The following CLMN variants were observed in gnomAD, a reference collection of about 807,000 sequenced individuals.
CLMN encodes calmin, also known as calmin (calponin-like, transmembrane).
Under a neutral mutation model 92.7 loss-of-function variants are expected in CLMN, and 57 were observed. The observed-to-expected ratio is 0.61, with a 90% CI of 0.50 to 0.77. The LOEUF (loss-of-function observed/expected upper bound fraction) is 0.77, where lower values mean the gene tolerates loss of function less well. Ranked by LOEUF, CLMN falls within the 30% of genes least tolerant of loss-of-function variation. The pLI is 0.00. For synonymous variants in CLMN, 466 were observed against 470.6 expected, an observed-to-expected ratio of 0.99 and a Z score of 0.13; for missense variants, 1,158 against 1,237.5, an observed-to-expected ratio of 0.94 and a Z score of 0.96.
chr14:95,231,173 A>G lies in CLMN; in HGVS notation c.83-1040T>C, dbSNP rs550804298. ...GAGCTCCGCCTCCTGTCAGATCAAC[A>G]GAGGCATTAAATCCTCTAACTTTTT... On this transcript the variant is annotated intron_variant, in intron 1 of 12. Transcript: ENST00000298912. Among the ~76,000 whole-genome samples, 14 of 150,674 alleles carry G rather than the reference A, an allele frequency of 9.3e-5. 1 individual carries two copies. The South Asian group carries it at 2.5e-3, about 27-fold the overall frequency.
chr14:95,211,597 G>T (rs1016624240), intron 6 of CLMN, among the ~76,000 whole-genome samples: 1 of 147,100 alleles, frequency 6.8e-6, no homozygotes, highest in African/African-American at 2.5e-5. Flanking sequence ...ATTTCCTGTA[G>T]AATCTATCCT....
At chr14:95,278,111 T>A (rs1900002819) in intron 1 of CLMN, among the ~76,000 whole-genome samples, 1 of 152,102 alleles carries the variant, frequency 6.6e-6, no homozygotes, top group African/African-American at 2.4e-5. Context: ...AATCTCATTT[T>A]AAAAAAAAGT....
At position 95,287,041 on chromosome 14, in the gene CLMN, C is replaced by A. The variant is rs1900371595; in HGVS notation, c.82+32670G>T. On this transcript the variant is annotated intron_variant, in intron 1 of 12. Coordinates refer to ENST00000298912, the MANE Select transcript of CLMN (RefSeq NM_024734.4). Reference sequence around the variant, plus strand: ...TCTTGTCATCCCCGCAAGGCTACCACATTTTGCTTCTGTCACCTTCACTAG... The same window carrying A: ...TCTTGTCATCCCCGCAAGGCTACCAAATTTTGCTTCTGTCACCTTCACTAG... Among the ~76,000 whole-genome samples the A allele has an allele frequency of 2.0e-5, 3 of 152,236 alleles. No individual in the cohort carries two copies. In the South Asian group the frequency reaches 6.2e-4, roughly 31 times the overall value.
intron 1 of CLMN, among the ~76,000 whole-genome samples, chr14:95,244,750 G>A (rs1430582998): frequency 1.3e-5 from 2 of 152,048 alleles, no homozygotes; most frequent in African/African-American, 2.4e-5. Context: ...ATCTATGCAG[G>A]AGATGAGAAC....
chr14:95,280,642 TTTAGATA>T (rs1254896093), intron 1 of CLMN, among the ~76,000 whole-genome samples: 2 of 152,220 alleles, frequency 1.3e-5, no homozygotes, highest in African/African-American at 4.8e-5. Flanking sequence ...GATTAATCCT[TTTAGATA>T]TTAGATTCCC....
At chr14:95,311,604 A>C (rs1237024762) in intron 1 of CLMN, among the ~76,000 whole-genome samples, 1 of 152,166 alleles carries the variant, frequency 6.6e-6, no homozygotes, top group African/African-American at 2.4e-5. Context: ...ACTAGAACAC[A>C]AGGGAACCAA....
chr14:95,253,180 G>C (rs1262913033), intron 1 of CLMN, among the ~76,000 whole-genome samples: 1 of 152,180 alleles, frequency 6.6e-6, no homozygotes, highest in African/African-American at 2.4e-5. Flanking sequence ...ACCCACATTG[G>C]AAAGGACAAA....
At chr14:95,260,084 GC>G in intron 1 of CLMN, among the ~76,000 whole-genome samples, 1 of 152,310 alleles carries the variant, frequency 6.6e-6, no homozygotes. Context: ...CTGGCACATG[GC>G]AGGTGTTCAG....
At chr14:95,215,054 T>C (rs1193602404) in intron 5 of CLMN, among the ~76,000 whole-genome samples, 15 of 152,174 alleles carry the variant, frequency 9.9e-5, no homozygotes, top group Admixed American at 9.8e-4. Flanking sequence ...TGTATACCTA[T>C]GTAACAAACC....
chr14:95,184,112 A>G lies in CLMN; in HGVS notation c.*7452T>C, dbSNP rs1896387112. On this transcript the variant is annotated 3_prime_UTR_variant, in exon 13 of 13. Coordinates refer to ENST00000298912, the MANE Select transcript of CLMN (RefSeq NM_024734.4). ...AGAAAAGGGGGCTGCTGGGCATCCT[A>G]CAACTTCATAAACTTTCAAGAAAAG... is the stretch of plus-strand genomic sequence containing the variant. 6.6e-6 allele frequency: 1 copy of G among 152,246 alleles called. No homozygotes were observed. The highest frequency in any genetic ancestry group is 2.4e-5 in the African/African-American group (1 of 41,472). The allele number at this position is 152,246 out of a possible 1,614,324, so 9.4% of individuals were successfully genotyped here. A position where few individuals can be genotyped will look rare whatever the true frequency, so the allele number is the denominator to read the frequency against.
At chr14:95,260,814 G>T (rs1899221425) in intron 1 of CLMN, among the ~76,000 whole-genome samples, 1 of 152,160 alleles carries the variant, frequency 6.6e-6, no homozygotes, top group East Asian at 1.9e-4. Flanking sequence ...ATGAAATACA[G>T]TTGATTCTCA....
chr14:95,227,991 AT>A (rs1397857150), intron 2 of CLMN, among the ~76,000 whole-genome samples: 1 of 152,038 alleles, frequency 6.6e-6, no homozygotes, highest in Non-Finnish European at 1.5e-5. Context: ...GTGCTATCTG[AT>A]TTATTTTCAG....
chr14:95,208,205 G>C (rs192804741), intron 8 of CLMN, among the ~76,000 whole-genome samples: 1 of 151,990 alleles, frequency 6.6e-6, no homozygotes, highest in African/African-American at 2.4e-5. Context: ...AACTGTTTCC[G>C]TTACTAGAAC....
chr14:95,193,726 T>C, intron 12 of CLMN, 123 bp downstream of exon 12: 1 of 1,198,166 alleles, frequency 8.3e-7, no homozygotes, highest in Non-Finnish European at 1.2e-6. Flanking sequence ...TCTTGCATTA[T>C]CCCAAATTAT....
intron 1 of CLMN, among the ~76,000 whole-genome samples, chr14:95,244,988 TACACACAC>T (rs140106985): frequency 2.9e-5 from 4 of 135,928 alleles, no homozygotes; most frequent in Admixed American, 2.3e-4. Flanking sequence ...TATATGTGTA[TACACACAC>T]ACACACACAC....
In CLMN at chr14:95,191,676, T is replaced by A. The variant is rs1158139303; in HGVS notation, c.2897A>T (p.Asp966Val). Reference protein sequence around the residue: ...MSLGSHSPQSDSLTQLVQQPD... With the variant: ...MSLGSHSPQSVSLTQLVQQPD... ...CTGCTGGACAAGCTGTGTCAGGGAG[T>A]CACTCTGCGGGCTGTGGCTCCCCAG... Residue 966 changes from aspartate to valine, a missense_variant, in exon 13 of 13, where the codon GAC becomes GTC. Physicochemically the swap from Asp to Val is radical, Grantham distance 152. Coordinates refer to ENST00000298912, the MANE Select transcript of CLMN (RefSeq NM_024734.4). This position sits in a 1 kb window ranked among gnomAD's most constrained non-coding sequence, Gnocchi z 5.3. The A allele has an allele frequency of 1.2e-6, 2 of 1,612,524 alleles. No individual in the cohort carries two copies. The highest frequency in any genetic ancestry group is 8.5e-7 in the Non-Finnish European group (1 of 1,179,634).
At chr14:95,205,241 G>A (rs1179621521) in intron 8 of CLMN, among the ~76,000 whole-genome samples, 1 of 152,158 alleles carries the variant, frequency 6.6e-6, no homozygotes, top group Non-Finnish European at 1.5e-5. Flanking sequence ...GGAAAAAAAT[G>A]ACATCTGCTT....
chr14:95,242,136 G>C lies in CLMN; in HGVS notation c.83-12003C>G, dbSNP rs532839138. Among the ~76,000 whole-genome samples, 65 of 147,958 alleles carry C rather than the reference G, an allele frequency of 4.4e-4. 1 individual carries two copies. Among genetic ancestry groups the C allele is most frequent in the African/African-American group, 1.7e-3 (65 of 38,440 alleles). ...TTCTCAGTCCTGGGTGCACATGATG[G>C]TCATCTGGGGAAATTTGAAAAAAAA... On this transcript the variant is annotated intron_variant, in intron 1 of 12. Transcript: ENST00000298912.
chr14:95,268,192 A>C (rs1279448520), intron 1 of CLMN, among the ~76,000 whole-genome samples: 1 of 152,172 alleles, frequency 6.6e-6, no homozygotes, highest in Non-Finnish European at 1.5e-5. Context: ...GAGAAGATAA[A>C]TGTTTGAGGT....
Sources: allele counts gnomAD v4.1 joint callset (sites outside exome capture counted in the v4.1 genomes callset), GRCh38; gene constraint gnomAD v4.1.1; non-coding constraint Gnocchi (gnomAD v3.1); transcripts MANE v1.5; gene names NCBI Gene and HGNC (gene_info 2026-07-23, HGNC 2026-07-21).